The following ROCK1 variants were observed in gnomAD, a reference collection of about 807,000 sequenced individuals.
ROCK1 encodes the protein rho-associated protein kinase 1.
A neutral mutation model predicts 196.8 loss-of-function variants in ROCK1; 36 were observed. That is an observed-to-expected ratio of 0.18 (90% CI 0.14 to 0.24). The LOEUF (loss-of-function observed/expected upper bound fraction) is 0.24. ROCK1 is among the 10% of genes least tolerant of loss of function. The probability of loss-of-function intolerance (pLI) is 1.00; values close to 1 mark genes in which losing one functional copy is unlikely to be tolerated. For synonymous variants in ROCK1, 443 were observed against 515.9 expected (o/e 0.86, Z 1.91); for missense variants, 920 against 1,562.0 (o/e 0.59, Z 6.93).
intron 16 of ROCK1, among the ~76,000 whole-genome samples, chr18:21,003,208 T>C (rs1442666132): frequency 1.3e-5 from 2 of 152,166 alleles, no homozygotes; most frequent in East Asian, 3.9e-4. Flanking sequence ...AGTAAAATTC[T>C]GAACAGGAGC....
chr18:21,029,621 T>A (rs1285979044), intron 9 of ROCK1, among the ~76,000 whole-genome samples: 1 of 152,128 alleles, frequency 6.6e-6, no homozygotes, highest in Non-Finnish European at 1.5e-5. Flanking sequence ...AAAATGGATA[T>A]GACATCTTCA....
chr18:21,015,906 G>A (rs750835332), intron 12 of ROCK1, among the ~76,000 whole-genome samples: 8 of 151,838 alleles, frequency 5.3e-5, no homozygotes, highest in Non-Finnish European at 7.4e-5. Flanking sequence ...CTTGAACCTG[G>A]GAGGTGGAGG....
intron 2 of ROCK1, among the ~76,000 whole-genome samples, chr18:21,051,682 G>A (rs1243481040): frequency 6.6e-6 from 1 of 152,118 alleles, no homozygotes; most frequent in Non-Finnish European, 1.5e-5. Context: ...TCACATTAAA[G>A]TTTAAAGTAG....
At chr18:21,016,811 T>C (rs1317287975) in intron 12 of ROCK1, among the ~76,000 whole-genome samples, 2 of 152,146 alleles carry the variant, frequency 1.3e-5, no homozygotes, top group Non-Finnish European at 1.5e-5. Context: ...TTAATATATA[T>C]TTTTTACTTA....
chr18:20,970,400 G>T lies in ROCK1; in HGVS notation c.2768C>A (p.Ala923Asp). The T allele has an allele frequency of 2.5e-6, 4 of 1,613,774 alleles. No homozygotes were observed. The highest frequency in any genetic ancestry group is 3.4e-6 in the Non-Finnish European group (4 of 1,179,796). Residue 923 changes from alanine to aspartate, a missense_variant, in exon 23 of 33, where the codon GCT becomes GAT. Ala to Asp is a moderately radical substitution (Grantham distance 126). Coordinates refer to ENST00000399799, the MANE Select transcript of ROCK1 (RefSeq NM_005406.3). ...YFELTQESKK[A>D]ASRNRQEITD... The stretch of plus-strand genomic sequence containing the variant: ...AATCTCTTGTCTATTTCTTGAAGCA[G>T]CTTTCTTGCTTTCTTGCGTCAATTC...
chr18:21,047,400 C>G (rs779326870), intron 4 of ROCK1, among the ~76,000 whole-genome samples: 1 of 151,998 alleles, frequency 6.6e-6, no homozygotes, highest in South Asian at 2.1e-4. Context: ...AAGGATAGCC[C>G]CCAACAACAA....
intron 9 of ROCK1, among the ~76,000 whole-genome samples, chr18:21,031,450 A>AAAAAATAAG (rs1273376382): frequency 1.3e-5 from 2 of 151,846 alleles, no homozygotes; most frequent in Non-Finnish European, 2.9e-5. Flanking sequence ...TAAAAAATAC[A>AAAAAATAAG]AAAAATAAGC....
chr18:21,078,169 A>G (rs1486382098), intron 1 of ROCK1, among the ~76,000 whole-genome samples: 1 of 152,154 alleles, frequency 6.6e-6, no homozygotes, highest in African/African-American at 2.4e-5. Context: ...TCTCTACTAA[A>G]AATACAAAAA....
chr18:20,959,096 ATATATAT>A lies in ROCK1; in HGVS notation c.3512+737_3512+743del, dbSNP rs1217796714. 2.6e-3 allele frequency among the ~76,000 whole-genome samples: 49 copies of A among 18,814 alleles called. 1 individual carries two copies. In the South Asian group the frequency reaches 0.051, roughly 20 times the overall value. 12.3% of individuals were successfully genotyped at this position (18,814 alleles called of 152,430 possible). On this transcript the variant is annotated intron_variant, in intron 29 of 32. Transcript: ENST00000399799. ...ATATAATATATATATTTTATATAAT[ATATATAT>A]TATATATATATTATATAATATATAT...
At chr18:20,998,826 C>G (rs538411746) in intron 16 of ROCK1, among the ~76,000 whole-genome samples, 6 of 152,116 alleles carry the variant, frequency 3.9e-5, no homozygotes, top group Admixed American at 3.9e-4. Context: ...CCAGGCTGGT[C>G]TGGAACTCCA....
intron 1 of ROCK1, among the ~76,000 whole-genome samples, chr18:21,086,666 C>T (rs1189421200): frequency 2.6e-5 from 4 of 151,286 alleles, no homozygotes; most frequent in South Asian, 2.1e-4. Context: ...CATAAACCTA[C>T]AGGTTGAAGG....
chr18:21,028,014 G>A (rs2035975384), intron 10 of ROCK1, among the ~76,000 whole-genome samples: 1 of 147,658 alleles, frequency 6.8e-6, no homozygotes, highest in Non-Finnish European at 1.5e-5. Flanking sequence ...GCCCGCCTCG[G>A]CCTCCCAAAG....
rs1395147240 is a variant in ROCK1 at position 21,111,813 on chromosome 18, T to C, written c.-903A>G. The C allele has an allele frequency of 6.9e-6, 1 of 145,950 alleles. No individual in the cohort carries two copies. Among genetic ancestry groups the C allele is most frequent in the Non-Finnish European group, 1.5e-5 (1 of 66,498 alleles). The allele number at this position is 145,950 out of a possible 1,614,324, so 9.0% of individuals were successfully genotyped here. ...ACAAACGGAGACCGCCGGGGCAGAC[T>C]GCGCATGCGGGGCGCGGACGCTCGG... On this transcript the variant is annotated 5_prime_UTR_variant, in exon 1 of 33. Transcript: ENST00000399799. The surrounding 1 kb of genome is among the most constrained non-coding windows in gnomAD (Gnocchi z 4.2).
In ROCK1 at chr18:21,111,270, G is replaced by T. The variant is rs1262506412; in HGVS notation, c.-360C>A. ...GGGGTCCCCGTCCCGAGATGGGCAG[G>T]AGCGGGTAGAGAAAGAGAAGCAGGG... is the stretch of plus-strand genomic sequence containing the variant. On this transcript the variant is annotated 5_prime_UTR_variant, in exon 1 of 33. Coordinates refer to ENST00000399799, the MANE Select transcript of ROCK1 (RefSeq NM_005406.3). This position sits in a 1 kb window ranked among gnomAD's most constrained non-coding sequence, Gnocchi z 4.2. 6.3e-6 allele frequency: 3 copies of T among 477,052 alleles called. No homozygotes were observed. Among genetic ancestry groups the T allele is most frequent in the South Asian group, 4.2e-5 (1 of 23,610 alleles). 29.6% of individuals were successfully genotyped at this position (477,052 alleles called of 1,614,324 possible). A position where few individuals can be genotyped will look rare whatever the true frequency, so the allele number is the denominator to read the frequency against.
intron 10 of ROCK1, among the ~76,000 whole-genome samples, chr18:21,026,840 T>C (rs1371996292): frequency 2.0e-5 from 3 of 152,206 alleles, no homozygotes; most frequent in Non-Finnish European, 1.5e-5. Context: ...TACATATTTT[T>C]GAGGTAATTA....
At chr18:21,002,967 T>C (rs2035738836) in intron 16 of ROCK1, among the ~76,000 whole-genome samples, 1 of 152,120 alleles carries the variant, frequency 6.6e-6, no homozygotes, top group Non-Finnish European at 1.5e-5. Flanking sequence ...CTCAAACTCC[T>C]GGGCTCAAGA....
At chr18:21,001,622 G>A (rs1486172858) in intron 16 of ROCK1, among the ~76,000 whole-genome samples, 1 of 151,838 alleles carries the variant, frequency 6.6e-6, no homozygotes, top group African/African-American at 2.4e-5. Context: ...AAAATTAGCT[G>A]GGCATGGTGG....
At chr18:20,964,114 TTATC>T (rs1273332002) in intron 27 of ROCK1, among the ~76,000 whole-genome samples, 1 of 152,112 alleles carries the variant, frequency 6.6e-6, no homozygotes, top group African/African-American at 2.4e-5. Flanking sequence ...CAGTGTCAGT[TTATC>T]CATCCAACTA....
At chr18:21,003,947 T>C (rs946627537) in intron 16 of ROCK1, among the ~76,000 whole-genome samples, 2 of 152,140 alleles carry the variant, frequency 1.3e-5, no homozygotes, top group African/African-American at 4.8e-5. Context: ...ATGGTTAATT[T>C]AAAAAAATTG....
Sources: gnomAD v4.1 joint callset for allele counts (sites outside exome capture counted in the v4.1 genomes callset) on GRCh38, gnomAD v4.1.1 for gene constraint, Gnocchi (gnomAD v3.1) non-coding constraint, MANE v1.5 for transcripts, NCBI Gene and HGNC (gene_info 2026-07-23, HGNC 2026-07-21) for gene names.